Variants in SGCZ observed in about 807,000 individuals in gnomAD.
SGCZ encodes sarcoglycan zeta, also known as zeta-sarcoglycan.
A neutral mutation model predicts 41.3 loss-of-function variants in SGCZ; 40 were observed. The observed-to-expected ratio is 0.97, with a 90% CI of 0.75 to 1.26. The LOEUF (loss-of-function observed/expected upper bound fraction) is 1.26, where lower values mean the gene tolerates loss of function less well. Among genes scored for constraint, SGCZ ranks in the 50% most tolerant of loss-of-function variants. The probability of loss-of-function intolerance (pLI) is 0.00; values close to 1 mark genes in which losing one functional copy is unlikely to be tolerated. For synonymous variants in SGCZ, 206 were observed against 137.5 expected (o/e 1.50, Z -3.49); for missense variants, 552 against 369.8 (o/e 1.49, Z -4.04).
intron 1 of SGCZ, among the ~76,000 whole-genome samples, chr8:15,090,438 G>A (rs1806117508): frequency 6.6e-6 from 1 of 152,196 alleles, no homozygotes; most frequent in Non-Finnish European, 1.5e-5. Flanking sequence ...GAAGCTCAGA[G>A]AATGCTAGAG....
chr8:14,230,767 G>T (rs201410960), intron 4 of SGCZ, among the ~76,000 whole-genome samples: 2 of 121,910 alleles, frequency 1.6e-5, no homozygotes, highest in African/African-American at 7.2e-5. Context: ...TGGTGGTGGT[G>T]GGGGGGTGGT....
At chr8:15,146,181 A>T (rs1799031772) in intron 1 of SGCZ, among the ~76,000 whole-genome samples, 1 of 152,196 alleles carries the variant, frequency 6.6e-6, no homozygotes, top group African/African-American at 2.4e-5. Flanking sequence ...GGAAAAAGAA[A>T]AAGTCATACA....
intron 1 of SGCZ, among the ~76,000 whole-genome samples, chr8:14,594,147 C>G (rs1175229879): frequency 6.6e-6 from 1 of 151,220 alleles, no homozygotes; most frequent in African/African-American, 2.4e-5. Flanking sequence ...TGCACTCCAG[C>G]CTGGGCAACA....
chr8:14,551,481 T>A (rs113393380), intron 2 of SGCZ, among the ~76,000 whole-genome samples: 643 of 4,832 alleles, frequency 0.13, 64 homozygotes, highest in African/African-American at 0.17. Flanking sequence ...TATTATATAT[T>A]ATATATATTA....
intron 1 of SGCZ, among the ~76,000 whole-genome samples, chr8:14,659,910 T>C (rs1378877729): frequency 6.6e-6 from 1 of 152,164 alleles, no homozygotes; most frequent in African/African-American, 2.4e-5. Context: ...ATGACTGATG[T>C]AATTCTAAAA....
chr8:14,921,874 T>C (rs1020754354), intron 1 of SGCZ, among the ~76,000 whole-genome samples: 8 of 152,024 alleles, frequency 5.3e-5, no homozygotes, highest in African/African-American at 1.9e-4. Context: ...GATAAGAAAA[T>C]AAAAGTGAAA....
chr8:14,482,586 G>A (rs1801564074), intron 2 of SGCZ, among the ~76,000 whole-genome samples: 1 of 152,090 alleles, frequency 6.6e-6, no homozygotes, highest in African/African-American at 2.4e-5. Flanking sequence ...CGACTTGACT[G>A]GGTTACAGGA....
chr8:14,891,989 C>G (rs992229407), intron 1 of SGCZ, among the ~76,000 whole-genome samples: 1 of 152,204 alleles, frequency 6.6e-6, no homozygotes, highest in African/African-American at 2.4e-5. Flanking sequence ...ATAATGCAAA[C>G]GTAACTTTTA....
chr8:14,375,498 A>C (rs1804086607), intron 2 of SGCZ, among the ~76,000 whole-genome samples: 1 of 152,218 alleles, frequency 6.6e-6, no homozygotes, highest in Non-Finnish European at 1.5e-5. Context: ...AAGAAAGCAT[A>C]AGTAGCATAA....
chr8:14,662,781 C>T (rs2117487174), intron 1 of SGCZ, among the ~76,000 whole-genome samples: 1 of 152,212 alleles, frequency 6.6e-6, no homozygotes, highest in Non-Finnish European at 1.5e-5. Context: ...AAGGTAATCA[C>T]AAGGGTCCTT....
At chr8:15,138,992 A>T (rs1220979942) in intron 1 of SGCZ, among the ~76,000 whole-genome samples, 3 of 152,178 alleles carry the variant, frequency 2.0e-5, no homozygotes, top group Non-Finnish European at 2.9e-5. Context: ...TTTTAAATAG[A>T]TGGACACTTA....
In SGCZ at chr8:14,284,506, C is replaced by G. The variant is rs1204613564; in HGVS notation, c.336+39597G>C. Among the ~76,000 whole-genome samples, 6 of 152,164 alleles carry G rather than the reference C, an allele frequency of 3.9e-5. No individual in the cohort carries two copies. In the South Asian group the frequency reaches 6.2e-4, roughly 16 times the overall value. On this transcript the variant is annotated intron_variant, in intron 3 of 7. Coordinates refer to ENST00000382080, the MANE Select transcript of SGCZ (RefSeq NM_139167.4). ...TTTTTTGTTTTCAAATTATCCATGC[C>G]TTTAGATTTAAACTTTTTATTCCGT...
At chr8:15,043,938 T>G (rs1015930608) in intron 1 of SGCZ, among the ~76,000 whole-genome samples, 2 of 152,060 alleles carry the variant, frequency 1.3e-5, no homozygotes, top group Non-Finnish European at 2.9e-5. Context: ...GCTAACCTAC[T>G]CCCACAAGGT....
chr8:14,094,132 C>T lies in SGCZ; in HGVS notation c.745-3495G>A, dbSNP rs1235858889. ...CCCTGACGCCCCAAGATAGAAAAAC[C>T]CTTTTTTTAAAAAGATTTTTTTAAC... On this transcript the variant is annotated intron_variant, in intron 7 of 7. Coordinates refer to ENST00000382080, the MANE Select transcript of SGCZ (RefSeq NM_139167.4). Among the ~76,000 whole-genome samples, 5 of 151,898 alleles carry T rather than the reference C, an allele frequency of 3.3e-5. No homozygotes were observed. In the South Asian group the frequency reaches 1.0e-3, roughly 32 times the overall value.
chr8:14,442,018 G>C (rs926616543), intron 2 of SGCZ, among the ~76,000 whole-genome samples: 5 of 152,154 alleles, frequency 3.3e-5, no homozygotes, highest in Middle Eastern at 3.2e-3. Flanking sequence ...TCCCCTGCTG[G>C]GGATAACACT....
At chr8:14,418,201 T>C (rs1215452988) in intron 2 of SGCZ, among the ~76,000 whole-genome samples, 1 of 151,966 alleles carries the variant, frequency 6.6e-6, no homozygotes, top group African/African-American at 2.4e-5. Context: ...TGTATACCAC[T>C]GAGGCATTTG....
chr8:14,571,539 C>T (rs1376261769), intron 1 of SGCZ, among the ~76,000 whole-genome samples: 2 of 152,096 alleles, frequency 1.3e-5, no homozygotes, highest in Non-Finnish European at 2.9e-5. Flanking sequence ...TTTTCCAAAG[C>T]TTGATTTTAG....
intron 2 of SGCZ, among the ~76,000 whole-genome samples, chr8:14,334,561 T>C (rs1406225539): frequency 6.6e-6 from 1 of 152,116 alleles, no homozygotes; most frequent in East Asian, 1.9e-4. Flanking sequence ...AGTTTAACTA[T>C]TTCTGAGTTA....
At chr8:14,975,955 C>T (rs950842227) in intron 1 of SGCZ, among the ~76,000 whole-genome samples, 1 of 144,690 alleles carries the variant, frequency 6.9e-6, no homozygotes, top group African/African-American at 2.5e-5. Flanking sequence ...TTTCCATAAA[C>T]ATATATATGT....
Sources: allele counts gnomAD v4.1 joint callset (sites outside exome capture counted in the v4.1 genomes callset), GRCh38; gene constraint gnomAD v4.1.1; transcripts MANE v1.5; gene names NCBI Gene and HGNC (gene_info 2026-07-23, HGNC 2026-07-21).